The following CNOT4 variants were observed in gnomAD, a reference collection of about 807,000 sequenced individuals.
The protein encoded by CNOT4 is CCR4-NOT transcription complex subunit 4, also known as CCR4-associated factor 4.
CNOT4 carries 8 observed loss-of-function variants against 73.8 expected under a neutral mutation model. The observed-to-expected ratio is 0.11, with a 90% CI of 0.06 to 0.20. The LOEUF (loss-of-function observed/expected upper bound fraction) is 0.20, where lower values mean the gene tolerates loss of function less well. CNOT4 is among the 10% of genes least tolerant of loss of function. The pLI, the probability that CNOT4 is intolerant of heterozygous loss-of-function variation, is 1.00. For missense variants in CNOT4, 564 were observed against 883.4 expected, an observed-to-expected ratio of 0.64 and a Z score of 4.58; for synonymous variants, 293 against 321.1, an observed-to-expected ratio of 0.91 and a Z score of 0.94.
At chr7:135,477,487 A>C (rs1378177780) in intron 1 of CNOT4, among the ~76,000 whole-genome samples, 1 of 152,238 alleles carries the variant, frequency 6.6e-6, no homozygotes, top group East Asian at 1.9e-4. Context: ...TCTTATAGAC[A>C]CACCCAATAT....
chr7:135,376,911 G>A (rs1585552302), intron 10 of CNOT4, among the ~76,000 whole-genome samples: 1 of 152,028 alleles, frequency 6.6e-6, no homozygotes, highest in African/African-American at 2.4e-5. Flanking sequence ...GGCATTAAGA[G>A]TATTTACTTT....
intron 1 of CNOT4, among the ~76,000 whole-genome samples, chr7:135,499,578 C>G (rs1480908484): frequency 6.6e-6 from 1 of 151,986 alleles, no homozygotes; most frequent in Non-Finnish European, 1.5e-5. Flanking sequence ...AACAGGGAGT[C>G]GTTTTCTCCT....
chr7:135,430,805 C>T (rs552980626), intron 2 of CNOT4, among the ~76,000 whole-genome samples: 1 of 152,218 alleles, frequency 6.6e-6, no homozygotes, highest in African/African-American at 2.4e-5. Flanking sequence ...CTTCCTTGAC[C>T]TGATAAAGAC....
chr7:135,482,188 T>C (rs781436735), intron 1 of CNOT4, among the ~76,000 whole-genome samples: 8 of 152,206 alleles, frequency 5.3e-5, no homozygotes, highest in Non-Finnish European at 1.0e-4. Context: ...TACTCACATG[T>C]ACTCCATAAA....
chr7:135,497,548 CCT>C (rs1396047301), intron 1 of CNOT4, among the ~76,000 whole-genome samples: 1 of 152,086 alleles, frequency 6.6e-6, no homozygotes. Flanking sequence ...AAAAAAAAAT[CCT>C]CTGTCCTTAT....
chr7:135,482,090 TA>T (rs1157830077), intron 1 of CNOT4, among the ~76,000 whole-genome samples: 7 of 152,166 alleles, frequency 4.6e-5, no homozygotes, highest in African/African-American at 9.7e-5. Flanking sequence ...GAAAGAATTT[TA>T]AATGTTCCCA....
intron 2 of CNOT4, among the ~76,000 whole-genome samples, chr7:135,425,664 A>G (rs117676643): frequency 0.01 from 1,533 of 152,328 alleles, 10 homozygotes; most frequent in Non-Finnish European, 0.016. Context: ...CAGTACCTTA[A>G]AAGAAGTTAT....
rs182222317 is a variant in CNOT4, at chr7:135,490,639, C to A, written c.-93+19250G>T. Reference sequence around the variant, plus strand: ...ATGAACCATCTCTGACCACTCCTTCCCCACCCACACTAACAAGCATACTCA... The same window carrying A: ...ATGAACCATCTCTGACCACTCCTTCACCACCCACACTAACAAGCATACTCA... On this transcript the variant is annotated intron_variant, in intron 1 of 11. Transcript: ENST00000541284. Among the ~76,000 whole-genome samples, 71 of 152,258 alleles carry A rather than the reference C, an allele frequency of 4.7e-4. 1 individual carries two copies. Among genetic ancestry groups the A allele is most frequent in the Admixed American group, 4.6e-3 (71 of 15,286 alleles).
In CNOT4 at chr7:135,458,070, T is replaced by C. The variant is rs528418977; in HGVS notation, c.-92-19647A>G. Among the ~76,000 whole-genome samples, 60 of 152,232 alleles carry C rather than the reference T, an allele frequency of 3.9e-4. 2 individuals are homozygous for C. Among genetic ancestry groups the C allele is most frequent in the Non-Finnish European group, 7.9e-4 (54 of 67,990 alleles). On this transcript the variant is annotated intron_variant, in intron 1 of 11. Coordinates refer to ENST00000541284, the MANE Select transcript of CNOT4 (RefSeq NM_001190850.2). ...AAACAACATTGTAACAAACACTCCA[T>C]GTGTGTTGATTTTCCTCATTTATGT... is the stretch of plus-strand genomic sequence containing the variant.
chr7:135,407,567 C>G (rs1797360732), intron 7 of CNOT4, among the ~76,000 whole-genome samples: 1 of 152,138 alleles, frequency 6.6e-6, no homozygotes, highest in Non-Finnish European at 1.5e-5. Context: ...CACTGTTTAG[C>G]CTAAGCATTT....
intron 1 of CNOT4, among the ~76,000 whole-genome samples, chr7:135,478,790 G>A (rs944786634): frequency 6.6e-6 from 1 of 152,094 alleles, no homozygotes; most frequent in Non-Finnish European, 1.5e-5. Context: ...ATAAATAGCT[G>A]TAAACTTTAG....
chr7:135,484,526 C>G (rs560997400), intron 1 of CNOT4, among the ~76,000 whole-genome samples: 1 of 152,038 alleles, frequency 6.6e-6, no homozygotes, highest in Admixed American at 6.5e-5. Flanking sequence ...AGAGCTGAGT[C>G]GGGCAGATCA....
chr7:135,403,617 A>C (rs1797117251), intron 7 of CNOT4, among the ~76,000 whole-genome samples: 1 of 152,180 alleles, frequency 6.6e-6, no homozygotes, highest in South Asian at 2.1e-4. Flanking sequence ...TAAAAAAATA[A>C]AATAAAAAGG....
intron 5 of CNOT4, among the ~76,000 whole-genome samples, chr7:135,413,903 G>A (rs1797710406): frequency 6.6e-6 from 1 of 151,924 alleles, no homozygotes; most frequent in Non-Finnish European, 1.5e-5. Context: ...TCTGTTCCAT[G>A]TTATGAGTGG....
chr7:135,410,132 G>A (rs1249924437), intron 7 of CNOT4, among the ~76,000 whole-genome samples: 1 of 152,046 alleles, frequency 6.6e-6, no homozygotes, highest in Admixed American at 6.6e-5. Context: ...GCTTCCTTCA[G>A]ATAACACCCA....
Position 135,410,495 on chromosome 7 carries a change from C to T in CNOT4, c.821+20G>A. ...ACTGATAAGAAGGTAAGATGTCTGA[C>T]TATCAATATCAATACTTACGTATCG... On this transcript the variant is annotated intron_variant, in intron 7 of 11. Transcript: ENST00000541284. 1 of 1,424,312 alleles carries T rather than the reference C, an allele frequency of 7.0e-7. No individual in the cohort carries two copies. The highest frequency in any genetic ancestry group is 9.4e-7 in the Non-Finnish European group (1 of 1,064,428). 88.2% of individuals were successfully genotyped at this position (1,424,312 alleles called of 1,614,324 possible). A position where few individuals can be genotyped will look rare whatever the true frequency, so the allele number is the denominator to read the frequency against.
intron 1 of CNOT4, among the ~76,000 whole-genome samples, chr7:135,458,890 T>G (rs1800706921): frequency 6.6e-6 from 1 of 152,048 alleles, no homozygotes; most frequent in Non-Finnish European, 1.5e-5. Flanking sequence ...TCCAAACCCC[T>G]GCTAATGTTG....
intron 1 of CNOT4, among the ~76,000 whole-genome samples, chr7:135,500,847 T>C (rs1251060139): frequency 6.6e-6 from 1 of 152,186 alleles, no homozygotes; most frequent in Admixed American, 6.5e-5. Context: ...AAGGCCTAAA[T>C]TTCTCTTTTA....
chr7:135,392,441 T>C (rs1796450718), intron 10 of CNOT4, among the ~76,000 whole-genome samples: 1 of 152,100 alleles, frequency 6.6e-6, no homozygotes, highest in African/African-American at 2.4e-5. Flanking sequence ...TATAATCAAT[T>C]ATGAGATACA....
Sources: allele counts gnomAD v4.1 joint callset (sites outside exome capture counted in the v4.1 genomes callset), GRCh38; gene constraint gnomAD v4.1.1; transcripts MANE v1.5; gene names NCBI Gene and HGNC (gene_info 2026-07-23, HGNC 2026-07-21).